NTRK2: variants seen among roughly 807,000 people sequenced by gnomAD.
NTRK2 encodes the protein BDNF/NT-3 growth factors receptor.
NTRK2 carries 13 observed loss-of-function variants against 94.5 expected under a neutral mutation model. The observed-to-expected ratio is 0.14, with a 90% CI of 0.09 to 0.22. The LOEUF (loss-of-function observed/expected upper bound fraction) is 0.22, where lower values mean the gene tolerates loss of function less well. Among genes scored for constraint, NTRK2 ranks in the 10% least tolerant of loss-of-function variants. The pLI is 1.00. For missense variants in NTRK2, 639 were observed against 1,071.2 expected, an observed-to-expected ratio of 0.60 and a Z score of 5.63; for synonymous variants, 372 against 407.4, an observed-to-expected ratio of 0.91 and a Z score of 1.05.
intron 6 of NTRK2, among the ~76,000 whole-genome samples, chr9:84,711,995 G>C (rs970398606): frequency 6.6e-6 from 1 of 152,154 alleles, no homozygotes; most frequent in Non-Finnish European, 1.5e-5. Context: ...GAGGGTAACT[G>C]TTCTCTGTTC....
At chr9:84,982,122 C>A (rs561763473) in intron 17 of NTRK2, among the ~76,000 whole-genome samples, 3 of 152,272 alleles carry the variant, frequency 2.0e-5, no homozygotes, top group East Asian at 3.9e-4. Context: ...ATTTTGCACA[C>A]CCCCATGGAA....
At position 84,710,775 on chromosome 9, in the gene NTRK2, G is replaced by A. The variant is rs2061374756; in HGVS notation, c.567G>A (p.Leu189=). ...ESSKNIPLAN[L]QIPNCGLPSA... The stretch of plus-strand genomic sequence containing the variant: ...GCAAGAATATTCCCCTGGCAAACCT[G>A]CAGATACCCAATTGTGGTAATTTAT... The change falls in exon 6 of 19, where the codon CTG becomes CTA. Residue 189 remains leucine (L), a synonymous_variant. Transcript: ENST00000277120. 3 of 1,614,114 alleles carry A rather than the reference G, an allele frequency of 1.9e-6. No individual in the cohort carries two copies.
Position 84,723,770 on chromosome 9 carries a change from T to C in NTRK2, c.720+61T>C, listed in dbSNP as rs1407728577. The C allele has an allele frequency of 1.9e-6, 3 of 1,599,674 alleles. No individual in the cohort carries two copies. The African/African-American group carries it at 4.0e-5, about 21-fold the overall frequency. On this transcript the variant is annotated intron_variant, in intron 7 of 18. Coordinates refer to ENST00000277120, the MANE Select transcript of NTRK2 (RefSeq NM_006180.6). ...ACAAGAGTGTTTCAGAATGCGAGAA[T>C]GTATTAAACCTAGTGATGATCATTT...
intron 14 of NTRK2, among the ~76,000 whole-genome samples, chr9:84,925,215 T>G (rs1397241199): frequency 6.6e-6 from 1 of 151,332 alleles, no homozygotes; most frequent in African/African-American, 2.4e-5. Flanking sequence ...TTTTTTTTTT[T>G]GGAGCTATTT....
chr9:84,949,582 C>T (rs546270029), intron 16 of NTRK2, among the ~76,000 whole-genome samples: 50 of 152,308 alleles, frequency 3.3e-4, no homozygotes, highest in African/African-American at 1.2e-3. Flanking sequence ...ATTCTCCCAC[C>T]TCAACCTCCC....
At chr9:84,740,771 G>A (rs901905802) in intron 9 of NTRK2, among the ~76,000 whole-genome samples, 13 of 152,268 alleles carry the variant, frequency 8.5e-5, no homozygotes, top group South Asian at 4.1e-4. Context: ...GTTGAAATGC[G>A]TTACAATTCT....
chr9:84,882,715 T>TGCGCGCGCGCGC (rs1358164079), intron 14 of NTRK2, among the ~76,000 whole-genome samples: 2 of 144,232 alleles, frequency 1.4e-5, no homozygotes, highest in African/African-American at 2.7e-5. Context: ...TGTGTGTGTG[T>TGCGCGCGCGCGC]GTGTGCGCGC....
intron 15 of NTRK2, among the ~76,000 whole-genome samples, chr9:84,937,252 C>G (rs1310575171): frequency 2.6e-5 from 4 of 152,200 alleles, no homozygotes; most frequent in African/African-American, 9.7e-5. Context: ...GGGCTTGCTC[C>G]TCTTCCATTG....
At chr9:84,729,107 C>T (rs4877287) in intron 9 of NTRK2, among the ~76,000 whole-genome samples, 16 of 152,132 alleles carry the variant, frequency 1.1e-4, no homozygotes, top group Non-Finnish European at 2.1e-4. Context: ...GCTCCCAGGG[C>T]CCCCCCACCA....
chr9:84,910,463 T>A (rs1002850815), intron 14 of NTRK2, among the ~76,000 whole-genome samples: 1 of 152,180 alleles, frequency 6.6e-6, no homozygotes, highest in Non-Finnish European at 1.5e-5. Context: ...CCTGTCACTC[T>A]CTGTCTTCTC....
intron 14 of NTRK2, among the ~76,000 whole-genome samples, chr9:84,887,798 T>A (rs2076463068): frequency 6.6e-6 from 1 of 152,204 alleles, no homozygotes; most frequent in Non-Finnish European, 1.5e-5. Flanking sequence ...TGGACCCCTG[T>A]GAAAAAATCT....
intron 2 of NTRK2, among the ~76,000 whole-genome samples, chr9:84,700,645 C>T (rs2060662652): frequency 2.0e-5 from 3 of 152,092 alleles, no homozygotes; most frequent in Non-Finnish European, 4.4e-5. Flanking sequence ...AAGAGGTGCC[C>T]AAACCCTTAC....
At chr9:84,828,308 G>A (rs1042033394) in intron 12 of NTRK2, among the ~76,000 whole-genome samples, 5 of 152,132 alleles carry the variant, frequency 3.3e-5, no homozygotes, top group Admixed American at 6.6e-5. Flanking sequence ...CCATGACAAC[G>A]CAGAACATCA....
chr9:84,953,605 T>G (rs1823744275), intron 16 of NTRK2, among the ~76,000 whole-genome samples: 2 of 152,164 alleles, frequency 1.3e-5, no homozygotes, highest in South Asian at 4.1e-4. Context: ...TTCCTCAATG[T>G]GACAAGAGGC....
At chr9:84,802,326 C>T (rs2070580426) in intron 12 of NTRK2, among the ~76,000 whole-genome samples, 2 of 152,090 alleles carry the variant, frequency 1.3e-5, no homozygotes, top group Admixed American at 1.3e-4. Flanking sequence ...GAAATTTATG[C>T]CCTTTACAAT....
intron 17 of NTRK2, among the ~76,000 whole-genome samples, chr9:84,976,667 T>G (rs7046422): frequency 0.22 from 33,351 of 151,956 alleles, 4,411 homozygotes; most frequent in African/African-American, 0.37. Flanking sequence ...AGAATGAGCA[T>G]GAAGGGCAGG....
intron 17 of NTRK2, among the ~76,000 whole-genome samples, chr9:85,007,290 C>T (rs1228442039): frequency 6.6e-6 from 1 of 152,104 alleles, no homozygotes; most frequent in East Asian, 1.9e-4. Context: ...GGGACCTATG[C>T]CATCAGAAAG....
At chr9:84,917,908 C>T (rs2077444450) in intron 14 of NTRK2, among the ~76,000 whole-genome samples, 1 of 152,148 alleles carries the variant, frequency 6.6e-6, no homozygotes, top group South Asian at 2.1e-4. Context: ...CACACATCCT[C>T]ATGACAGAGT....
rs2118023497 is a variant in NTRK2, at chr9:85,021,452, G to C, written c.*15G>C. 1 of 1,613,776 alleles carries C rather than the reference G, an allele frequency of 6.2e-7. No homozygotes were observed. The highest frequency in any genetic ancestry group is 8.5e-7 in the Non-Finnish European group (1 of 1,179,786). ...TTCTAGGCTAGGGCCCTTTTCCCCAGACCGATCCTTCCCAACGTACTCCTC... is the reference window on the plus strand; with the variant it reads ...TTCTAGGCTAGGGCCCTTTTCCCCACACCGATCCTTCCCAACGTACTCCTC... On this transcript the variant is annotated 3_prime_UTR_variant, in exon 19 of 19. Transcript: ENST00000277120.
Sources: gnomAD v4.1 joint callset for allele counts (sites outside exome capture counted in the v4.1 genomes callset) on GRCh38, gnomAD v4.1.1 for gene constraint, MANE v1.5 for transcripts, NCBI Gene and HGNC (gene_info 2026-07-23, HGNC 2026-07-21) for gene names.